The following STPG2 variants were observed in gnomAD, a reference collection of about 807,000 sequenced individuals.
The protein encoded by STPG2 is sperm tail PG-rich repeat containing 2.
Under a neutral mutation model 54.2 loss-of-function variants are expected in STPG2, and 56 were observed. The observed-to-expected ratio is 1.03, with a 90% CI of 0.83 to 1.29. The LOEUF is 1.29. Ranked by LOEUF, STPG2 falls within the 50% of genes most tolerant of loss-of-function variation. STPG2 has a pLI of 0.00. For missense variants in STPG2, 596 were observed against 544.9 expected (o/e 1.09, Z -0.93); for synonymous variants, 200 against 181.8 (o/e 1.10, Z -0.81).
At chr4:97,508,738 T>C (rs1321862813) in intron 4 of STPG2, among the ~76,000 whole-genome samples, 1 of 152,042 alleles carries the variant, frequency 6.6e-6, no homozygotes, top group Non-Finnish European at 1.5e-5. Context: ...ATAATTTTTA[T>C]TAATTATAGC....
At chr4:97,978,120 T>C (rs566784718) in intron 6 of STPG2, among the ~76,000 whole-genome samples, 1 of 152,148 alleles carries the variant, frequency 6.6e-6, no homozygotes, top group Non-Finnish European at 1.5e-5. Flanking sequence ...GTTTATAAAG[T>C]GTTCAGTTTT....
intron 4 of STPG2, among the ~76,000 whole-genome samples, chr4:97,481,250 T>C (rs919134982): frequency 6.6e-6 from 1 of 151,598 alleles, no homozygotes; most frequent in Admixed American, 6.6e-5. Context: ...TTCCCTTATC[T>C]ACGTGTATTC....
intron 8 of STPG2, among the ~76,000 whole-genome samples, chr4:97,939,234 G>T (rs912001432): frequency 5.3e-5 from 8 of 152,164 alleles, no homozygotes; most frequent in African/African-American, 1.9e-4. Flanking sequence ...GTCCAATGAT[G>T]TGGTCAATTT....
intron 10 of STPG2, among the ~76,000 whole-genome samples, chr4:97,616,546 CTTTTA>C (rs1209029253): frequency 6.6e-6 from 1 of 151,950 alleles, no homozygotes; most frequent in Non-Finnish European, 1.5e-5. Context: ...TAGGATATCA[CTTTTA>C]TTTTAGTATT....
intron 3 of STPG2, among the ~76,000 whole-genome samples, chr4:98,126,765 A>G (rs6853608): frequency 0.4 from 60,046 of 151,942 alleles, 12,113 homozygotes; most frequent in Middle Eastern, 0.46. Context: ...GAGGCGTCAT[A>G]TCCAAAATGT....
At chr4:97,968,535 C>G (rs752102947) in intron 7 of STPG2, among the ~76,000 whole-genome samples, 3 of 152,158 alleles carry the variant, frequency 2.0e-5, no homozygotes, top group Non-Finnish European at 4.4e-5. Flanking sequence ...TAAAAATCCT[C>G]AGTAAAATAC....
chr4:97,527,906 G>A (rs1731319643), intron 4 of STPG2, among the ~76,000 whole-genome samples: 2 of 151,976 alleles, frequency 1.3e-5, no homozygotes, highest in Non-Finnish European at 1.5e-5. Context: ...TTAGCTCTTT[G>A]TCAGATGGAT....
chr4:97,905,588 T>A lies in STPG2; in HGVS notation c.1044+38309A>T, dbSNP rs1479916986. 2.6e-5 allele frequency among the ~76,000 whole-genome samples: 4 copies of A among 151,118 alleles called. No homozygotes were observed. The East Asian group carries it at 7.9e-4, about 30-fold the overall frequency. On this transcript the variant is annotated intron_variant, in intron 8 of 10. Coordinates refer to ENST00000295268, the MANE Select transcript of STPG2 (RefSeq NM_174952.3). ...ACCAGTTAACATCATAATGACAGGA[T>A]CAAATTCACACATAACAATATTAAC... is the stretch of plus-strand genomic sequence containing the variant.
intron 2 of STPG2, among the ~76,000 whole-genome samples, chr4:98,128,865 C>G (rs1049637137): frequency 6.6e-6 from 1 of 152,004 alleles, no homozygotes; most frequent in African/African-American, 2.4e-5. Context: ...TCCCAAGTAG[C>G]TGGGACTACA....
intron 9 of STPG2, among the ~76,000 whole-genome samples, chr4:97,765,879 A>G (rs1726032136): frequency 6.6e-6 from 1 of 152,174 alleles, no homozygotes; most frequent in Non-Finnish European, 1.5e-5. Context: ...GTGGGCAAAT[A>G]TAAGAGTAAG....
At chr4:97,858,564 T>C (rs1417517401) in intron 8 of STPG2, among the ~76,000 whole-genome samples, 1 of 152,080 alleles carries the variant, frequency 6.6e-6, no homozygotes, top group Non-Finnish European at 1.5e-5. Flanking sequence ...TCCTACCATC[T>C]CTCCAAGTCC....
At chr4:97,495,419 CCACA>C (rs1243524493) in intron 4 of STPG2, among the ~76,000 whole-genome samples, 2 of 151,166 alleles carry the variant, frequency 1.3e-5, no homozygotes, top group African/African-American at 2.4e-5. Context: ...TTAAAACCAC[CCACA>C]CAAAGTTTTT....
At chr4:98,100,008 T>C (rs750944761) in intron 5 of STPG2, among the ~76,000 whole-genome samples, 2 of 152,144 alleles carry the variant, frequency 1.3e-5, no homozygotes, top group African/African-American at 2.4e-5. Flanking sequence ...CTCATGTACC[T>C]ATAAATATAT....
At chr4:98,031,518 A>G (rs1450153541) in intron 5 of STPG2, among the ~76,000 whole-genome samples, 1 of 152,064 alleles carries the variant, frequency 6.6e-6, no homozygotes, top group East Asian at 1.9e-4. Context: ...CTCTACTAAA[A>G]ATACAAAAAA....
At chr4:98,015,564 G>T (rs943591196) in intron 5 of STPG2, among the ~76,000 whole-genome samples, 5 of 152,200 alleles carry the variant, frequency 3.3e-5, no homozygotes, top group Non-Finnish European at 7.3e-5. Context: ...AACAACAGAT[G>T]CTGGAGAGGA....
At chr4:97,783,405 C>T (rs1240246732) in intron 9 of STPG2, among the ~76,000 whole-genome samples, 2 of 152,110 alleles carry the variant, frequency 1.3e-5, no homozygotes, top group African/African-American at 4.8e-5. Context: ...GAATGGCGAT[C>T]ATTAAAAAGT....
chr4:97,763,598 C>T (rs147982208), intron 9 of STPG2, among the ~76,000 whole-genome samples: 68 of 152,114 alleles, frequency 4.5e-4, no homozygotes, highest in African/African-American at 1.3e-3. Flanking sequence ...GCCTATTGTC[C>T]GGGCATCATT....
At chr4:97,889,052 G>A (rs1024120330) in intron 8 of STPG2, among the ~76,000 whole-genome samples, 1 of 151,954 alleles carries the variant, frequency 6.6e-6, no homozygotes, top group East Asian at 1.9e-4. Context: ...TTCCTGTACA[G>A]CCTGCAGAAC....
At chr4:97,585,939 T>A (rs1732988079) in intron 10 of STPG2, among the ~76,000 whole-genome samples, 1 of 151,700 alleles carries the variant, frequency 6.6e-6, no homozygotes, top group Non-Finnish European at 1.5e-5. Flanking sequence ...GTCTAAGATA[T>A]AATTAAAAAT....
Sources: gnomAD v4.1 joint callset for allele counts (sites outside exome capture counted in the v4.1 genomes callset) on GRCh38, gnomAD v4.1.1 for gene constraint, MANE v1.5 for transcripts, NCBI Gene and HGNC (gene_info 2026-07-23, HGNC 2026-07-21) for gene names.